Variants in CIAO2A observed in about 807,000 individuals in gnomAD.
The protein encoded by CIAO2A is MIP18 family protein FAM96A.
Under a neutral mutation model 22.4 loss-of-function variants are expected in CIAO2A, and 17 were observed. The observed-to-expected ratio is 0.76, with a 90% CI of 0.52 to 1.14. CIAO2A has a LOEUF of 1.14. CIAO2A is among the 50% of genes most tolerant of loss of function. CIAO2A has a pLI of 0.00. For synonymous variants in CIAO2A, 74 were observed against 72.3 expected (o/e 1.02, Z -0.12); for missense variants, 192 against 191.4 (o/e 1.00, Z -0.02).
intron 2 of CIAO2A, among the ~76,000 whole-genome samples, chr15:64,084,647 T>C (rs1388007390): frequency 4.6e-5 from 7 of 152,066 alleles, no homozygotes; most frequent in African/African-American, 1.7e-4. Flanking sequence ...TGCATGTCTG[T>C]AATCCCAGCT....
intron 2 of CIAO2A, among the ~76,000 whole-genome samples, chr15:64,083,507 T>C (rs1364538206): frequency 6.6e-6 from 1 of 152,214 alleles, no homozygotes; most frequent in East Asian, 1.9e-4. Flanking sequence ...GGTGATACTC[T>C]TACTCAGGCA....
Position 64,076,723 on chromosome 15 carries a change from C to CT in CIAO2A, c.340-1187dup, listed in dbSNP as rs556233822. Among the ~76,000 whole-genome samples the CT allele has an allele frequency of 3.8e-3, 437 of 115,140 alleles. 1 individual carries two copies. The highest frequency in any genetic ancestry group is 9.5e-3 in the African/African-American group (332 of 34,952). 75.5% of individuals were successfully genotyped at this position (115,140 alleles called of 152,430 possible). On this transcript the variant is annotated intron_variant, in intron 3 of 4. Transcript: ENST00000300030. ...GACCTTAAAGGTCATCTAGTCCAAT[C>CT]TTTTTTTTTTTTTTTTTTTTGAGAC...
At chr15:64,092,446 A>G (rs902264030) in intron 1 of CIAO2A, among the ~76,000 whole-genome samples, 1 of 152,124 alleles carries the variant, frequency 6.6e-6, no homozygotes, top group African/African-American at 2.4e-5. Flanking sequence ...CCTTTCTCTG[A>G]ATTTCTGTAT....
intron 3 of CIAO2A, among the ~76,000 whole-genome samples, chr15:64,079,975 T>C (rs2080748194): frequency 6.6e-6 from 1 of 152,138 alleles, no homozygotes; most frequent in South Asian, 2.1e-4. Flanking sequence ...TAAAAAGACA[T>C]CCTTATTTTA....
Position 64,076,075 on chromosome 15 carries a change from C to T in CIAO2A, c.340-538G>A, listed in dbSNP as rs149006689. ...TTTTATTTTGTTCACCTGGAAAAGGCCTGCAGGTGGTATTTCCATTAATTT... is the reference window on the plus strand; with the variant it reads ...TTTTATTTTGTTCACCTGGAAAAGGTCTGCAGGTGGTATTTCCATTAATTT... On this transcript the variant is annotated intron_variant, in intron 3 of 4. Coordinates refer to ENST00000300030, the MANE Select transcript of CIAO2A (RefSeq NM_032231.7). Among the ~76,000 whole-genome samples the T allele has an allele frequency of 2.6e-3, 393 of 151,700 alleles. 2 individuals carry two copies. The highest frequency in any genetic ancestry group is 9.2e-3 in the African/African-American group (380 of 41,408).
rs1018650935 is a variant in CIAO2A at position 64,072,642 on chromosome 15, G to A, written c.*289C>T. 8.3e-6 allele frequency: 2 copies of A among 240,730 alleles called. No homozygotes were observed. The highest frequency in any genetic ancestry group is 1.7e-4 in the East Asian group (2 of 11,606). 14.9% of individuals were successfully genotyped at this position (240,730 alleles called of 1,614,324 possible). On this transcript the variant is annotated 3_prime_UTR_variant, in exon 5 of 5. Coordinates refer to ENST00000300030, the MANE Select transcript of CIAO2A (RefSeq NM_032231.7). ...TTTGGGCACAGTAGATATTTGACAC[G>A]AAAAATAGTTGTATCAGAATGAGCA...
intron 3 of CIAO2A, among the ~76,000 whole-genome samples, chr15:64,077,435 T>A (rs1047936335): frequency 3.3e-5 from 5 of 152,260 alleles, no homozygotes; most frequent in African/African-American, 9.6e-5. Flanking sequence ...CTCATTATTC[T>A]AAAAGTGATA....
At chr15:64,082,711 T>G (rs1210174582) in intron 2 of CIAO2A, among the ~76,000 whole-genome samples, 5 of 152,212 alleles carry the variant, frequency 3.3e-5, no homozygotes, top group Non-Finnish European at 5.9e-5. Flanking sequence ...CTGAATATCC[T>G]CACGTATTTT....
At chr15:64,088,966 A>G in intron 1 of CIAO2A, 115 bp from the exon 2 acceptor site, 1 of 885,512 alleles carries the variant, frequency 1.1e-6, no homozygotes, top group Non-Finnish European at 1.7e-6. Flanking sequence ...CAAATAGTAC[A>G]GCAACTCCCA....
At chr15:64,092,406 T>C (rs1280506803) in intron 1 of CIAO2A, among the ~76,000 whole-genome samples, 1 of 152,240 alleles carries the variant, frequency 6.6e-6, no homozygotes, top group African/African-American at 2.4e-5. Context: ...AAAGTCTTTC[T>C]AGATCCCCTC....
intron 3 of CIAO2A, among the ~76,000 whole-genome samples, chr15:64,078,404 G>C (rs1337123617): frequency 6.6e-6 from 1 of 152,144 alleles, no homozygotes; most frequent in Non-Finnish European, 1.5e-5. Flanking sequence ...GGAGGCTAAG[G>C]CGGGTGTATC....
At chr15:64,090,941 G>C (rs951513588) in intron 1 of CIAO2A, among the ~76,000 whole-genome samples, 4 of 152,110 alleles carry the variant, frequency 2.6e-5, no homozygotes, top group Non-Finnish European at 5.9e-5. Context: ...CCTTGGAGAA[G>C]ACAAGATTTC....
chr15:64,078,699 C>G (rs1045060873), intron 3 of CIAO2A, among the ~76,000 whole-genome samples: 2 of 145,040 alleles, frequency 1.4e-5, no homozygotes, highest in African/African-American at 5.0e-5. Context: ...AGATGAAAAA[C>G]AAACAGAACA....
intron 2 of CIAO2A, among the ~76,000 whole-genome samples, chr15:64,083,780 T>C (rs777097666): frequency 1.1e-4 from 16 of 151,814 alleles, no homozygotes; most frequent in Non-Finnish European, 2.2e-4. Flanking sequence ...CCGTCTCTAT[T>C]GAAAATACAA....
At chr15:64,088,598 A>T in intron 2 of CIAO2A, 89 bp downstream of exon 2, 1 of 1,096,848 alleles carries the variant, frequency 9.1e-7, no homozygotes, top group Non-Finnish European at 1.3e-6. Flanking sequence ...TGGTTTTTCA[A>T]CAATGATGCA....
intron 4 of CIAO2A, chr15:64,074,809 T>G (rs2080704480): frequency 6.6e-6 from 1 of 152,216 alleles, no homozygotes; most frequent in African/African-American, 2.4e-5. Flanking sequence ...TATTAGCTCT[T>G]TCTTCCATTC....
chr15:64,084,459 T>A (rs2080778468), intron 2 of CIAO2A, among the ~76,000 whole-genome samples: 1 of 152,102 alleles, frequency 6.6e-6, no homozygotes, highest in East Asian at 1.9e-4. Flanking sequence ...CCTGATGCAA[T>A]AATGAGATAT....
At chr15:64,091,138 A>G (rs1402334405) in intron 1 of CIAO2A, among the ~76,000 whole-genome samples, 1 of 140,164 alleles carries the variant, frequency 7.1e-6, no homozygotes, top group Non-Finnish European at 1.6e-5. Context: ...AAAAACAAGA[A>G]CAAATTCTAT....
intron 2 of CIAO2A, among the ~76,000 whole-genome samples, chr15:64,086,148 C>T (rs2080792663): frequency 6.6e-6 from 1 of 151,470 alleles, no homozygotes; most frequent in East Asian, 1.9e-4. Context: ...GTGGCTCACA[C>T]CTGTAATCCC....
Sources: gnomAD v4.1 joint callset for allele counts (sites outside exome capture counted in the v4.1 genomes callset) on GRCh38, gnomAD v4.1.1 for gene constraint, MANE v1.5 for transcripts, NCBI Gene and HGNC (gene_info 2026-07-23, HGNC 2026-07-21) for gene names.